The following ILRUN variants were observed in gnomAD, a reference collection of about 807,000 sequenced individuals.
ILRUN encodes protein ILRUN.
A neutral mutation model predicts 33.8 loss-of-function variants in ILRUN; 3 were observed. The ratio of observed to expected loss-of-function variants is 0.09; its 90% CI spans 0.04 to 0.23. The LOEUF is 0.23. Among genes scored for constraint, ILRUN ranks in the 10% least tolerant of loss-of-function variants. ILRUN has a pLI of 1.00. For missense variants in ILRUN, 210 were observed against 375.1 expected (o/e 0.56, Z 3.64); for synonymous variants, 124 against 138.9 (o/e 0.89, Z 0.75).
chr6:34,676,512 AT>A (rs1415586998), intron 1 of ILRUN, among the ~76,000 whole-genome samples: 3 of 151,698 alleles, frequency 2.0e-5, no homozygotes, highest in African/African-American at 7.3e-5. Context: ...AGAGAGAGAG[AT>A]TTTTTTAAAG....
intron 1 of ILRUN, among the ~76,000 whole-genome samples, chr6:34,662,684 G>A (rs1434781010): frequency 6.6e-6 from 1 of 152,194 alleles, no homozygotes; most frequent in Non-Finnish European, 1.5e-5. Flanking sequence ...GTTGTTTAAT[G>A]AGTACATAGT....
At chr6:34,671,694 T>C (rs1216516379) in intron 1 of ILRUN, 2 of 152,238 alleles carry the variant, frequency 1.3e-5, no homozygotes, top group Non-Finnish European at 2.9e-5. Context: ...AATGCATGCA[T>C]TAGCCTCAGC....
intron 2 of ILRUN, 29 bp downstream of exon 2, chr6:34,654,596 C>A: frequency 6.3e-7 from 1 of 1,576,614 alleles, no homozygotes; most frequent in Middle Eastern, 1.7e-4. Flanking sequence ...GAAAACTAGG[C>A]AAGGGAGGAT....
At chr6:34,676,131 T>C (rs1056183978) in intron 1 of ILRUN, among the ~76,000 whole-genome samples, 1 of 152,056 alleles carries the variant, frequency 6.6e-6, no homozygotes, top group African/African-American at 2.4e-5. Flanking sequence ...TATATAGAGC[T>C]GGGCACAGGT....
At chr6:34,593,516 G>A (rs1374895793) in intron 4 of ILRUN, among the ~76,000 whole-genome samples, 3 of 152,214 alleles carry the variant, frequency 2.0e-5, no homozygotes, top group African/African-American at 7.2e-5. Context: ...TTTCCTTTGA[G>A]TGCCCTGGCC....
chr6:34,612,646 C>T (rs1761781210), intron 3 of ILRUN, among the ~76,000 whole-genome samples: 1 of 152,016 alleles, frequency 6.6e-6, no homozygotes. Flanking sequence ...GCAGCTCATG[C>T]CTGTAATGCC....
At chr6:34,671,576 A>G (rs1469545937) in intron 1 of ILRUN, among the ~76,000 whole-genome samples, 1 of 152,248 alleles carries the variant, frequency 6.6e-6, no homozygotes, top group Non-Finnish European at 1.5e-5. Flanking sequence ...AAAATGTTAC[A>G]TCATATCCAA....
At chr6:34,683,026 G>C (rs1393804018) in intron 1 of ILRUN, among the ~76,000 whole-genome samples, 2 of 151,738 alleles carry the variant, frequency 1.3e-5, no homozygotes, top group African/African-American at 2.4e-5. Context: ...CTATTTGGGA[G>C]GTTGAGATGG....
intron 1 of ILRUN, among the ~76,000 whole-genome samples, chr6:34,685,091 T>C (rs1763485814): frequency 6.6e-6 from 1 of 152,130 alleles, no homozygotes; most frequent in Non-Finnish European, 1.5e-5. Flanking sequence ...TGTTACTCTG[T>C]TAAACTAGTA....
At chr6:34,693,481 G>T (rs1163266094) in intron 1 of ILRUN, among the ~76,000 whole-genome samples, 2 of 149,570 alleles carry the variant, frequency 1.3e-5, no homozygotes, top group African/African-American at 4.9e-5. Context: ...CAGGCTCCCA[G>T]GTAGCTGGGG....
At position 34,597,530 on chromosome 6, in the gene ILRUN, G is replaced by A. The variant is rs1426048274; in HGVS notation, c.862-6930C>T. 2.0e-5 allele frequency among the ~76,000 whole-genome samples: 3 copies of A among 152,290 alleles called. No individual in the cohort carries two copies. The South Asian group carries it at 6.2e-4, about 32-fold the overall frequency. ...TCGATTAAAGCTCCTGTAACTTTCT[G>A]TCAACTACCCTTTCCTTACAAGCCA... On this transcript the variant is annotated intron_variant, in intron 4 of 4. Transcript: ENST00000374023.
intron 2 of ILRUN, among the ~76,000 whole-genome samples, chr6:34,651,542 C>A (rs1359482713): frequency 6.6e-6 from 1 of 152,018 alleles, no homozygotes; most frequent in East Asian, 1.9e-4. Flanking sequence ...GGTTAGTCTG[C>A]CACAAGATGG....
chr6:34,610,896 C>T (rs987052051), intron 3 of ILRUN, among the ~76,000 whole-genome samples: 16 of 151,918 alleles, frequency 1.1e-4, no homozygotes, highest in African/African-American at 3.6e-4. Context: ...CTACCACCAC[C>T]CCTTTTCTCC....
intron 1 of ILRUN, among the ~76,000 whole-genome samples, chr6:34,672,985 A>C (rs1245450962): frequency 5.3e-5 from 8 of 152,230 alleles, no homozygotes; most frequent in Non-Finnish European, 1.5e-5. Context: ...GAGAGGGAAG[A>C]AAACAGGATT....
intron 3 of ILRUN, among the ~76,000 whole-genome samples, chr6:34,637,668 A>C (rs1762390058): frequency 6.6e-6 from 1 of 152,214 alleles, no homozygotes; most frequent in Middle Eastern, 3.2e-3. Context: ...CAGTGAAAAC[A>C]TTTGATGCTT....
chr6:34,693,165 A>G (rs1458669994), intron 1 of ILRUN, among the ~76,000 whole-genome samples: 1 of 152,184 alleles, frequency 6.6e-6, no homozygotes, highest in Non-Finnish European at 1.5e-5. Flanking sequence ...TATCTTTCAT[A>G]AGAAAAAAAA....
At chr6:34,598,530 G>C (rs1022734851) in intron 4 of ILRUN, among the ~76,000 whole-genome samples, 1 of 152,188 alleles carries the variant, frequency 6.6e-6, no homozygotes, top group African/African-American at 2.4e-5. Context: ...ATGGGGAAGA[G>C]AATGGGCCCT....
intron 3 of ILRUN, among the ~76,000 whole-genome samples, chr6:34,620,570 G>A (rs1562005463): frequency 6.6e-6 from 1 of 152,176 alleles, no homozygotes; most frequent in South Asian, 2.1e-4. Flanking sequence ...GAGCACAGTG[G>A]TTCATGCCTG....
chr6:34,683,475 C>CATATAT (rs1193684499), intron 1 of ILRUN, among the ~76,000 whole-genome samples: 2 of 79,892 alleles, frequency 2.5e-5, no homozygotes, highest in African/African-American at 1.3e-4. Context: ...TATATATACA[C>CATATAT]ATATATATAT....
Sources: allele counts gnomAD v4.1 joint callset (sites outside exome capture counted in the v4.1 genomes callset), GRCh38; gene constraint gnomAD v4.1.1; transcripts MANE v1.5; gene names NCBI Gene and HGNC (gene_info 2026-07-23, HGNC 2026-07-21).